CELF2: variants seen among roughly 807,000 people sequenced by gnomAD.
CELF2 encodes CUG triplet repeat RNA-binding protein 2.
CELF2 carries 8 observed loss-of-function variants against 62.6 expected under a neutral mutation model. That is an observed-to-expected ratio of 0.13 (90% CI 0.07 to 0.23). The LOEUF is 0.23. Among genes scored for constraint, CELF2 ranks in the 10% least tolerant of loss-of-function variants. CELF2 has a pLI of 1.00. For missense variants in CELF2, 333 were observed against 671.0 expected (o/e 0.50, Z 5.56); for synonymous variants, 258 against 250.0 (o/e 1.03, Z -0.30).
the CELF2 span, among the ~76,000 whole-genome samples, chr10:10,548,616 C>T: frequency 2.0e-5 from 3 of 152,044 alleles, no homozygotes; most frequent in Non-Finnish European, 4.4e-5. Context: ...ATAATTTTCC[C>T]TAGGCTGAGA....
chr10:10,522,245 A>C, the CELF2 span, among the ~76,000 whole-genome samples: 1 of 152,244 alleles, frequency 6.6e-6, no homozygotes, highest in African/African-American at 2.4e-5. Flanking sequence ...AGATATCGAA[A>C]GTAGCAGCCA....
At chr10:10,607,237 C>T in the CELF2 span, among the ~76,000 whole-genome samples, 1 of 152,052 alleles carries the variant, frequency 6.6e-6, no homozygotes, top group Non-Finnish European at 1.5e-5. Context: ...TTTGGTGCAC[C>T]TCATCATGTG....
chr10:10,565,719 T>C, the CELF2 span, among the ~76,000 whole-genome samples: 2 of 152,232 alleles, frequency 1.3e-5, no homozygotes, highest in Non-Finnish European at 2.9e-5. Context: ...TTCCTTTTAA[T>C]AAGCACGGTA....
chr10:10,865,873 A>G (rs1221569218), intron 1 of CELF2, among the ~76,000 whole-genome samples: 2 of 152,008 alleles, frequency 1.3e-5, no homozygotes, highest in African/African-American at 2.4e-5. Flanking sequence ...GCCCTAGATC[A>G]TTAATAAAGC....
the CELF2 span, among the ~76,000 whole-genome samples, chr10:10,682,933 G>C: frequency 6.6e-6 from 1 of 152,092 alleles, no homozygotes; most frequent in Non-Finnish European, 1.5e-5. Context: ...AGCTGTATAT[G>C]AACTCCATCA....
chr10:10,771,084 T>C, the CELF2 span, among the ~76,000 whole-genome samples: 1 of 152,142 alleles, frequency 6.6e-6, no homozygotes, highest in Non-Finnish European at 1.5e-5. Context: ...AACCAATAAC[T>C]TCCATATGTA....
intron 2 of CELF2, among the ~76,000 whole-genome samples, chr10:10,962,821 T>A (rs1415396651): frequency 6.6e-6 from 1 of 152,210 alleles, no homozygotes; most frequent in East Asian, 1.9e-4. Context: ...GTGATATTTC[T>A]TCCCAGCCTC....
chr10:10,965,447 C>A (rs988416086), intron 2 of CELF2, among the ~76,000 whole-genome samples: 5 of 152,136 alleles, frequency 3.3e-5, no homozygotes, highest in Non-Finnish European at 7.4e-5. Flanking sequence ...TACATTCGAT[C>A]CCAAACTTGA....
At chr10:10,915,023 T>G (rs563958328) in intron 1 of CELF2, among the ~76,000 whole-genome samples, 2 of 151,574 alleles carry the variant, frequency 1.3e-5, no homozygotes, top group Admixed American at 6.6e-5. Context: ...TCCCAGCTAC[T>G]CGGGAGACTG....
At chr10:11,256,247 T>G (rs921202132) in intron 4 of CELF2, among the ~76,000 whole-genome samples, 1 of 152,200 alleles carries the variant, frequency 6.6e-6, no homozygotes, top group Non-Finnish European at 1.5e-5. Context: ...CACATGTGGC[T>G]TTAGTTTCTG....
the CELF2 span, among the ~76,000 whole-genome samples, chr10:10,780,973 C>T: frequency 3.3e-5 from 5 of 152,206 alleles, no homozygotes. Flanking sequence ...CAAAAAGCAA[C>T]ATGCCTCATT....
At chr10:11,179,368 A>C (rs778422470) in intron 2 of CELF2, among the ~76,000 whole-genome samples, 6 of 152,224 alleles carry the variant, frequency 3.9e-5, no homozygotes, top group African/African-American at 1.2e-4. Context: ...TTATGCAAAT[A>C]AAGATCAGAA....
chr10:11,141,076 T>A (rs1351989113), intron 1 of CELF2, among the ~76,000 whole-genome samples: 1 of 152,194 alleles, frequency 6.6e-6, no homozygotes, highest in Non-Finnish European at 1.5e-5. Flanking sequence ...TTGAGTACAA[T>A]TTTTTGAACA....
At chr10:10,616,295 G>GGGGGGTGT in the CELF2 span, among the ~76,000 whole-genome samples, 2 of 143,866 alleles carry the variant, frequency 1.4e-5, no homozygotes, top group Non-Finnish European at 3.1e-5. Context: ...TTTTGTTTGG[G>GGGGGGTGT]GTGTGTGTGT....
At chr10:11,009,010 G>C (rs115317531) in intron 1 of CELF2, among the ~76,000 whole-genome samples, 13,302 of 126,316 alleles carry the variant, frequency 0.11, 1,605 homozygotes, top group African/African-American at 0.37. Flanking sequence ...ATTTGCGGGG[G>C]GGGGGGGGGA....
chr10:10,576,719 C>A, the CELF2 span, among the ~76,000 whole-genome samples: 1 of 152,192 alleles, frequency 6.6e-6, no homozygotes, highest in South Asian at 2.1e-4. Flanking sequence ...TCTGCCTCCC[C>A]CAATTCTATC....
chr10:11,037,713 C>G (rs112798832), intron 1 of CELF2, among the ~76,000 whole-genome samples: 3 of 152,270 alleles, frequency 2.0e-5, no homozygotes, highest in South Asian at 2.1e-4. Flanking sequence ...CAGTATTGTA[C>G]GAGGTGAAGG....
At chr10:10,628,031 T>C in the CELF2 span, among the ~76,000 whole-genome samples, 1 of 152,158 alleles carries the variant, frequency 6.6e-6, no homozygotes, top group Non-Finnish European at 1.5e-5. Flanking sequence ...GCCTCCCAAG[T>C]AGCTGGGATT....
chr10:10,708,694 G>T, the CELF2 span, among the ~76,000 whole-genome samples: 10 of 152,200 alleles, frequency 6.6e-5, no homozygotes, highest in Admixed American at 5.9e-4. Context: ...CTCATGGTGA[G>T]ATCTTGCCTT....
Sources: allele counts gnomAD v4.1 joint callset (sites outside exome capture counted in the v4.1 genomes callset), GRCh38; gene constraint gnomAD v4.1.1; transcripts MANE v1.5; gene names NCBI Gene and HGNC (gene_info 2026-07-23, HGNC 2026-07-21).